The following RANBP2 variants were observed in gnomAD, a reference collection of about 807,000 sequenced individuals.
RANBP2 encodes the protein RAN binding protein 2.
In RANBP2, 57 loss-of-function variants were observed where a neutral mutation model predicts 303.6. The observed-to-expected ratio is 0.19, with a 90% CI of 0.15 to 0.23. The LOEUF is 0.23. Among genes scored for constraint, RANBP2 ranks in the 10% least tolerant of loss-of-function variants. RANBP2 has a pLI of 1.00. For missense variants in RANBP2, 3,138 were observed against 3,780.8 expected, an observed-to-expected ratio of 0.83 and a Z score of 4.46; for synonymous variants, 1,167 against 1,301.5, an observed-to-expected ratio of 0.90 and a Z score of 2.23.
downstream of RANBP2, among the ~76,000 whole-genome samples, chr2:108,785,993 AT>A (rs1035997079): frequency 5.9e-5 from 9 of 152,164 alleles, no homozygotes; most frequent in African/African-American, 1.9e-4. Flanking sequence ...CACCACTGTA[AT>A]TTTATGAATG....
the RANBP2 span, among the ~76,000 whole-genome samples, chr2:109,240,573 C>CT: frequency 2.0e-5 from 3 of 152,174 alleles, no homozygotes; most frequent in Non-Finnish European, 4.4e-5. Context: ...TGGTGTGGCA[C>CT]TTTGACTTGT....
chr2:108,758,554 C>T lies in RANBP2; in HGVS notation c.2602+6C>T, dbSNP rs948101188. 4.1e-5 allele frequency: 66 copies of T among 1,610,890 alleles called. No individual in the cohort carries two copies. The highest frequency in any genetic ancestry group is 5.3e-5 in the Non-Finnish European group (62 of 1,179,650). On this transcript the variant is annotated splice_donor_region_variant and intron_variant, in intron 18 of 28. Coordinates refer to ENST00000283195, the MANE Select transcript of RANBP2 (RefSeq NM_006267.5). ...TCATGGGGCTCCACTAACAGGTGAG[C>T]TGGCAAGTGGATAATCGCATATTTT...
the RANBP2 span, among the ~76,000 whole-genome samples, chr2:109,058,442 A>G: frequency 1.7e-3 from 264 of 152,318 alleles, no homozygotes; most frequent in African/African-American, 6.1e-3. Flanking sequence ...GGCAGCCCTT[A>G]GGAAAAGGCT....
the RANBP2 span, among the ~76,000 whole-genome samples, chr2:109,290,540 A>G: frequency 1.3e-5 from 2 of 152,246 alleles, no homozygotes; most frequent in African/African-American, 4.8e-5. Context: ...TAGCTAGGCT[A>G]TGTCCTCTGA....
At chr2:108,891,975 T>C in the RANBP2 span, among the ~76,000 whole-genome samples, 3 of 152,090 alleles carry the variant, frequency 2.0e-5, no homozygotes, top group Admixed American at 1.3e-4. Context: ...CCCCAGAATA[T>C]GTGCCCTGTC....
In RANBP2 at chr2:108,764,211, T is replaced by G. The variant is rs1464638654; in HGVS notation, c.3672T>G (p.His1224Gln). The change falls in exon 20 of 29, where the codon CAT becomes CAG. Residue 1224 changes from histidine (H) to glutamine (Q), a missense_variant. Around this residue, in one of 20 missense-constraint regions of RANBP2, gnomAD observed 72 missense variants for 119.5 expected, o/e 0.60. Transcript: ENST00000283195. ...RGIGNVKILRHKTSGKIRLLM... is the reference protein window; with the variant it reads ...RGIGNVKILRQKTSGKIRLLM... ...TTGGCAATGTAAAAATACTGAGGCA[T>G]AAAACATCTGGTAAAATTCGCCTTC... 6.2e-7 allele frequency: 1 copy of G among 1,614,022 alleles called. No individual in the cohort carries two copies.
chr2:109,266,932 G>A, the RANBP2 span, among the ~76,000 whole-genome samples: 1 of 152,224 alleles, frequency 6.6e-6, no homozygotes, highest in Non-Finnish European at 1.5e-5. Flanking sequence ...GGATGTCTGT[G>A]AGCTGGCTTA....
At chr2:109,116,213 T>G in the RANBP2 span, among the ~76,000 whole-genome samples, 2 of 152,260 alleles carry the variant, frequency 1.3e-5, no homozygotes, top group Non-Finnish European at 2.9e-5. Flanking sequence ...CTGGATAATA[T>G]CCTGCAGAGT....
the RANBP2 span, among the ~76,000 whole-genome samples, chr2:109,588,560 C>T: frequency 6.6e-6 from 1 of 152,028 alleles, no homozygotes; most frequent in Non-Finnish European, 1.5e-5. Flanking sequence ...GTGGTATGAT[C>T]TTGGCTCACT....
chr2:109,729,629 G>A, the RANBP2 span, among the ~76,000 whole-genome samples: 1 of 152,076 alleles, frequency 6.6e-6, no homozygotes, highest in South Asian at 2.1e-4. Context: ...CATCCTGGGC[G>A]ACAGAGTGAG....
the RANBP2 span, among the ~76,000 whole-genome samples, chr2:109,270,914 A>G: frequency 6.6e-6 from 1 of 152,230 alleles, no homozygotes; most frequent in Non-Finnish European, 1.5e-5. Flanking sequence ...CAGCATCAGG[A>G]GGGAGACACC....
In RANBP2 at chr2:108,782,365, A is replaced by G; in HGVS notation, c.8998A>G (p.Asn3000Asp). 6.2e-7 allele frequency: 1 copy of G among 1,614,142 alleles called. No individual in the cohort carries two copies. The highest frequency in any genetic ancestry group is 1.1e-5 in the South Asian group (1 of 91,090). The change falls in exon 27 of 29, where the codon AAT becomes GAT. Residue 3000 changes from asparagine to aspartate, a missense_variant. Physicochemically the swap from Asn to Asp is conservative, Grantham distance 23. This residue lies in a region of RANBP2 where 204 missense variants were observed against 228.4 expected (regional missense o/e 0.89). Transcript: ENST00000283195. The stretch of plus-strand genomic sequence containing the variant: ...GGAATTAAAGCCCTTAAATGTTTCA[A>G]ATAATGCTTTAGTTTGGACTGCCTC... ...TMELKPLNVS[N>D]NALVWTASDY...
At chr2:109,036,827 G>A in the RANBP2 span, among the ~76,000 whole-genome samples, 1 of 152,166 alleles carries the variant, frequency 6.6e-6, no homozygotes, top group South Asian at 2.1e-4. Context: ...GGGCAACATG[G>A]CAAAACCCCG....
At chr2:109,661,564 G>T in the RANBP2 span, among the ~76,000 whole-genome samples, 1 of 152,080 alleles carries the variant, frequency 6.6e-6, no homozygotes, top group African/African-American at 2.4e-5. Context: ...GGTTCTATGG[G>T]CCAGGAATGG....
the RANBP2 span, among the ~76,000 whole-genome samples, chr2:109,761,458 G>C: frequency 1.3e-5 from 2 of 148,962 alleles, 1 homozygote; most frequent in Admixed American, 1.4e-4. Context: ...GGCGCCCCAG[G>C]TATCCCTTTG....
At chr2:109,553,746 C>T in the RANBP2 span, among the ~76,000 whole-genome samples, 2 of 148,178 alleles carry the variant, frequency 1.3e-5, no homozygotes, top group Non-Finnish European at 3.0e-5. Flanking sequence ...CCCAGCTACA[C>T]GGGAGGCTGA....
the RANBP2 span, among the ~76,000 whole-genome samples, chr2:109,098,451 C>A: frequency 0.064 from 9,772 of 152,262 alleles, 401 homozygotes; most frequent in East Asian, 0.12. Flanking sequence ...CATTAATCCT[C>A]ACACAAAAGA....
At chr2:109,365,818 G>A in the RANBP2 span, among the ~76,000 whole-genome samples, 1 of 152,124 alleles carries the variant, frequency 6.6e-6, no homozygotes, top group East Asian at 1.9e-4. Flanking sequence ...CTATGATCCT[G>A]CCATCGCAGG....
the RANBP2 span, among the ~76,000 whole-genome samples, chr2:108,922,645 C>A: frequency 6.6e-6 from 1 of 152,100 alleles, no homozygotes; most frequent in Non-Finnish European, 1.5e-5. Flanking sequence ...GGCAGGGTCC[C>A]AGGGTCAGCT....
Sources: gnomAD v4.1 joint callset for allele counts (sites outside exome capture counted in the v4.1 genomes callset) on GRCh38, gnomAD v4.1.1 for gene constraint, gnomAD v4.1.1 regional missense constraint, MANE v1.5 for transcripts, NCBI Gene and HGNC (gene_info 2026-07-23, HGNC 2026-07-21) for gene names.